The following TRPM3 variants were observed in gnomAD, a reference collection of about 807,000 sequenced individuals.
TRPM3 encodes the protein transient receptor potential cation channel subfamily M member 3.
A neutral mutation model predicts 181.2 loss-of-function variants in TRPM3; 77 were observed. That is an observed-to-expected ratio of 0.42 (90% CI 0.35 to 0.51). The LOEUF is 0.51. TRPM3 is among the 20% of genes least tolerant of loss of function. The pLI is 0.01. For missense variants in TRPM3, 1,759 were observed against 2,196.7 expected, an observed-to-expected ratio of 0.80 and a Z score of 3.98; for synonymous variants, 745 against 796.4, an observed-to-expected ratio of 0.94 and a Z score of 1.09.
intron 1 of TRPM3, among the ~76,000 whole-genome samples, chr9:71,255,901 C>A (rs1393567727): frequency 6.6e-6 from 1 of 152,052 alleles, no homozygotes; most frequent in Non-Finnish European, 1.5e-5. Context: ...CAGCTGTTGC[C>A]ACAATTATCT....
At chr9:71,271,717 A>G (rs140758092) in intron 1 of TRPM3, among the ~76,000 whole-genome samples, 1 of 152,218 alleles carries the variant, frequency 6.6e-6, no homozygotes, top group East Asian at 1.9e-4. Context: ...ACGTACCTCC[A>G]TGGATTTCTC....
intron 8 of TRPM3, among the ~76,000 whole-genome samples, chr9:70,747,692 A>C (rs1338050179): frequency 6.6e-6 from 1 of 152,002 alleles, no homozygotes; most frequent in Non-Finnish European, 1.5e-5. Context: ...AACAAAGAAC[A>C]GTATGTGACA....
intron 9 of TRPM3, among the ~76,000 whole-genome samples, chr9:70,676,429 C>A (rs369774133): frequency 6.6e-6 from 1 of 152,104 alleles, no homozygotes; most frequent in Non-Finnish European, 1.5e-5. Context: ...ATATTTTCTG[C>A]GGTTTTGGAG....
At chr9:71,031,848 C>T (rs994108500) in intron 1 of TRPM3, among the ~76,000 whole-genome samples, 5 of 145,700 alleles carry the variant, frequency 3.4e-5, no homozygotes, top group African/African-American at 1.3e-4. Context: ...ACTTATTGTC[C>T]TAGAGGGAAT....
intron 1 of TRPM3, among the ~76,000 whole-genome samples, chr9:71,079,652 G>C (rs1247543955): frequency 2.0e-5 from 3 of 152,196 alleles, no homozygotes; most frequent in African/African-American, 7.2e-5. Flanking sequence ...CCAATGGAAT[G>C]TAGTGCTTGG....
At chr9:70,643,276 T>G (rs528342556) in intron 9 of TRPM3, among the ~76,000 whole-genome samples, 43 of 152,346 alleles carry the variant, frequency 2.8e-4, no homozygotes, top group African/African-American at 1.0e-3. Flanking sequence ...GCACTTTACA[T>G]GTTTCTTTGC....
At chr9:70,591,429 G>A (rs909559781) in intron 21 of TRPM3, among the ~76,000 whole-genome samples, 1 of 152,174 alleles carries the variant, frequency 6.6e-6, no homozygotes, top group Non-Finnish European at 1.5e-5. Context: ...TTCAAAAAGT[G>A]CACACACAGA....
intron 6 of TRPM3, among the ~76,000 whole-genome samples, chr9:70,784,855 G>C (rs537534319): frequency 6.6e-6 from 1 of 152,166 alleles, no homozygotes; most frequent in Admixed American, 6.6e-5. Context: ...TAGATGATCA[G>C]ACTGATTATT....
At chr9:71,437,621 A>C (rs970088221) in intron 1 of TRPM3, among the ~76,000 whole-genome samples, 2 of 152,114 alleles carry the variant, frequency 1.3e-5, no homozygotes, top group Non-Finnish European at 2.9e-5. Context: ...CTGTCCTAGC[A>C]GTTTGGGAGG....
intron 1 of TRPM3, among the ~76,000 whole-genome samples, chr9:71,298,504 A>G (rs971501361): frequency 2.0e-5 from 3 of 152,056 alleles, no homozygotes; most frequent in African/African-American, 7.2e-5. Context: ...AGATATAAAA[A>G]TTTATGGTTT....
chr9:71,244,007 T>C (rs1368589758), intron 1 of TRPM3, among the ~76,000 whole-genome samples: 1 of 152,150 alleles, frequency 6.6e-6, no homozygotes, highest in Non-Finnish European at 1.5e-5. Context: ...AGTTCACATG[T>C]CTTAGATTAA....
At chr9:71,138,113 C>CAAAAAAGA (rs1172694798) in intron 1 of TRPM3, among the ~76,000 whole-genome samples, 2 of 146,004 alleles carry the variant, frequency 1.4e-5, no homozygotes, top group South Asian at 2.2e-4. Context: ...GACTCTGTCT[C>CAAAAAAGA]AAAAAAGAAA....
intron 8 of TRPM3, among the ~76,000 whole-genome samples, chr9:70,681,982 T>C (rs2065561652): frequency 1.3e-5 from 2 of 152,126 alleles, no homozygotes; most frequent in African/African-American, 4.8e-5. Context: ...CCCTTCCACC[T>C]CCCACCACGT....
chr9:70,997,962 C>T (rs998473340), intron 1 of TRPM3, among the ~76,000 whole-genome samples: 27 of 151,868 alleles, frequency 1.8e-4, no homozygotes, highest in African/African-American at 6.3e-4. Context: ...ATAGAATGTC[C>T]CACATCCCAC....
At position 70,553,267 on chromosome 9, in the gene TRPM3, G is replaced by A. The variant is rs768672888; in HGVS notation, c.3267C>T (p.Ile1089=). 4.4e-5 allele frequency: 71 copies of A among 1,613,988 alleles called. No homozygotes were observed. Among genetic ancestry groups the A allele is most frequent in the Non-Finnish European group, 5.8e-5 (69 of 1,180,034 alleles). Residue 1089 remains isoleucine (I), a synonymous_variant, in exon 23 of 26, where the codon ATC becomes ATT. Coordinates refer to ENST00000677713, the MANE Select transcript of TRPM3 (RefSeq NM_001366145.2). ...QNETREDGKI[I]QLPPCKTGAW... Reference sequence around the variant, plus strand: ...CTCCTGTCTTGCAGGGAGGCAGCTGGATTATTTTACCATCCTCTCGGGTCT... The same window carrying A: ...CTCCTGTCTTGCAGGGAGGCAGCTGAATTATTTTACCATCCTCTCGGGTCT...
chr9:71,361,561 G>C (rs1310842440), intron 1 of TRPM3, among the ~76,000 whole-genome samples: 1 of 152,200 alleles, frequency 6.6e-6, no homozygotes, highest in Non-Finnish European at 1.5e-5. Flanking sequence ...AAGGGCTCAG[G>C]TATGTCAAGC....
intron 1 of TRPM3, among the ~76,000 whole-genome samples, chr9:70,976,455 G>T (rs371230580): frequency 1.3e-5 from 2 of 152,334 alleles, no homozygotes; most frequent in Admixed American, 6.5e-5. Context: ...AGATGCAAAA[G>T]AATCCTAGCC....
intron 1 of TRPM3, among the ~76,000 whole-genome samples, chr9:71,379,523 A>T (rs1214173256): frequency 1.3e-5 from 2 of 152,008 alleles, no homozygotes; most frequent in African/African-American, 4.8e-5. Flanking sequence ...GTGGCTCTTA[A>T]TTCTGGCTAC....
At chr9:70,794,372 T>G (rs527603351) in intron 6 of TRPM3, among the ~76,000 whole-genome samples, 25 of 152,352 alleles carry the variant, frequency 1.6e-4, no homozygotes, top group Non-Finnish European at 3.1e-4. Flanking sequence ...ATCACTCCTC[T>G]CTGAATATCC....
Sources: allele counts gnomAD v4.1 joint callset (sites outside exome capture counted in the v4.1 genomes callset), GRCh38; gene constraint gnomAD v4.1.1; transcripts MANE v1.5; gene names NCBI Gene and HGNC (gene_info 2026-07-23, HGNC 2026-07-21).